Variants in LDB2 observed in about 807,000 individuals in gnomAD.
LDB2 encodes the protein LIM domain-binding protein 2.
In LDB2, 12 loss-of-function variants were observed where a neutral mutation model predicts 44.3. That is an observed-to-expected ratio of 0.27 (90% CI 0.17 to 0.44). The LOEUF is 0.44. Ranked by LOEUF, LDB2 falls within the 20% of genes least tolerant of loss-of-function variation. The pLI is 1.00. For missense variants in LDB2, 344 were observed against 473.5 expected, an observed-to-expected ratio of 0.73 and a Z score of 2.54; for synonymous variants, 164 against 174.8, an observed-to-expected ratio of 0.94 and a Z score of 0.49.
At chr4:16,536,869 C>T (rs1732045004) in intron 5 of LDB2, among the ~76,000 whole-genome samples, 1 of 152,222 alleles carries the variant, frequency 6.6e-6, no homozygotes, top group African/African-American at 2.4e-5. Context: ...GCCAGTTACT[C>T]AGTCTCTGTG....
intron 5 of LDB2, among the ~76,000 whole-genome samples, chr4:16,574,859 C>T (rs971717295): frequency 3.9e-5 from 6 of 152,160 alleles, no homozygotes; most frequent in East Asian, 1.9e-4. Flanking sequence ...AAATTGGATT[C>T]GGGGAGCTTA....
At chr4:16,811,080 C>T (rs763565953) in intron 1 of LDB2, among the ~76,000 whole-genome samples, 5 of 152,170 alleles carry the variant, frequency 3.3e-5, no homozygotes, top group Admixed American at 3.3e-4. Flanking sequence ...CGTTTGCACT[C>T]CTTTGACAAT....
chr4:16,519,997 A>G (rs1377162193), intron 5 of LDB2, among the ~76,000 whole-genome samples: 3 of 152,014 alleles, frequency 2.0e-5, no homozygotes, highest in Non-Finnish European at 2.9e-5. Context: ...ATAACAATGA[A>G]TGCCCCAAAG....
intron 1 of LDB2, among the ~76,000 whole-genome samples, chr4:16,833,628 T>A (rs1784407722): frequency 6.6e-6 from 1 of 151,474 alleles, no homozygotes; most frequent in South Asian, 2.1e-4. Context: ...CTGCAACCTC[T>A]GCCTCCTGGG....
At chr4:16,623,884 T>A (rs1417241209) in intron 2 of LDB2, among the ~76,000 whole-genome samples, 1 of 152,102 alleles carries the variant, frequency 6.6e-6, no homozygotes, top group Non-Finnish European at 1.5e-5. Flanking sequence ...TTCAGCCCCA[T>A]AGAGAAAATA....
chr4:16,622,158 T>C (rs1326059403), intron 2 of LDB2, among the ~76,000 whole-genome samples: 2 of 152,218 alleles, frequency 1.3e-5, no homozygotes, highest in Non-Finnish European at 2.9e-5. Context: ...ATAGTGAAGC[T>C]GTTTGATAGG....
At chr4:16,649,432 T>C (rs1005612338) in intron 2 of LDB2, among the ~76,000 whole-genome samples, 1 of 152,158 alleles carries the variant, frequency 6.6e-6, no homozygotes, top group African/African-American at 2.4e-5. Flanking sequence ...GAGAGAGAAC[T>C]AAAGTGCTTA....
chr4:16,723,120 C>A (rs1448531032), intron 2 of LDB2, among the ~76,000 whole-genome samples: 1 of 152,188 alleles, frequency 6.6e-6, no homozygotes, highest in Non-Finnish European at 1.5e-5. Flanking sequence ...AGGTAAGACA[C>A]TTCCTAATGA....
At chr4:16,649,173 G>A (rs533708108) in intron 2 of LDB2, among the ~76,000 whole-genome samples, 2 of 152,248 alleles carry the variant, frequency 1.3e-5, no homozygotes, top group Non-Finnish European at 2.9e-5. Context: ...ATTCTTTTCT[G>A]TCAAGAGGTA....
In LDB2 at chr4:16,502,655, C is replaced by G; in HGVS notation, c.1110G>C (p.Gln370His). ...QETKSENPPP[Q>H]ASQ ...GGTGCCGATCATCTTATTGGGAAGC[C>G]TGGGGTGGGGGGTTTTCTGATTTGG... The change falls in exon 8 of 8, where the codon CAG (glutamine) becomes CAC (histidine). Residue 370 changes from glutamine (Q) to histidine (H), a missense_variant. By Grantham distance (24) the Gln-to-His change is conservative (BLOSUM62 0). Coordinates refer to ENST00000304523, the MANE Select transcript of LDB2 (RefSeq NM_001290.5). 1 of 1,613,744 alleles carries G rather than the reference C, an allele frequency of 6.2e-7. No individual in the cohort carries two copies. The highest frequency in any genetic ancestry group is 1.3e-5 in the African/African-American group (1 of 74,996).
chr4:16,646,836 A>G (rs1736922999), intron 2 of LDB2, among the ~76,000 whole-genome samples: 1 of 152,228 alleles, frequency 6.6e-6, no homozygotes, highest in Non-Finnish European at 1.5e-5. Flanking sequence ...ACAATGGTCA[A>G]TATATCAGAT....
chr4:16,885,852 C>T (rs184594548), intron 1 of LDB2, among the ~76,000 whole-genome samples: 5 of 152,228 alleles, frequency 3.3e-5, no homozygotes, highest in East Asian at 1.9e-4. Flanking sequence ...TAAATGCTAA[C>T]GGTCATTATA....
intron 5 of LDB2, among the ~76,000 whole-genome samples, chr4:16,580,375 G>T (rs1007008444): frequency 8.5e-5 from 13 of 152,198 alleles, no homozygotes; most frequent in African/African-American, 3.1e-4. Flanking sequence ...CCCCTGCTGA[G>T]ACTGAGAGGA....
rs33921094 is a variant in LDB2, at chr4:16,766,510, A to ATTT, written c.133-7253_133-7251dup. ...TGTGTGTGTGTGTGTGTGTGTATAT[A>ATTT]TTTTTTTTTTTTTGAGACAGAATCT... On this transcript the variant is annotated intron_variant, in intron 1 of 7. Coordinates refer to ENST00000304523, the MANE Select transcript of LDB2 (RefSeq NM_001290.5). Among the ~76,000 whole-genome samples, 805 of 127,024 alleles carry ATTT rather than the reference A, an allele frequency of 6.3e-3. 11 individuals carry two copies. The highest frequency in any genetic ancestry group is 0.024 in the African/African-American group (734 of 31,074). 83.3% of individuals were successfully genotyped at this position (127,024 alleles called of 152,430 possible).
intron 1 of LDB2, among the ~76,000 whole-genome samples, chr4:16,819,048 A>G (rs1356306638): frequency 6.6e-6 from 1 of 152,152 alleles, no homozygotes; most frequent in Non-Finnish European, 1.5e-5. Context: ...TCATGCAGAA[A>G]GAATGAGTAC....
chr4:16,735,218 C>T (rs954573032), intron 2 of LDB2, among the ~76,000 whole-genome samples: 5 of 152,064 alleles, frequency 3.3e-5, no homozygotes, highest in East Asian at 1.9e-4. Flanking sequence ...CAATGCTGCC[C>T]GCAGTCCCCT....
chr4:16,642,773 C>G (rs1294345457), intron 2 of LDB2, among the ~76,000 whole-genome samples: 1 of 152,152 alleles, frequency 6.6e-6, no homozygotes, highest in African/African-American at 2.4e-5. Flanking sequence ...CAGACATTAT[C>G]TCTGCCTGCT....
At chr4:16,830,495 T>C (rs1462683323) in intron 1 of LDB2, among the ~76,000 whole-genome samples, 1 of 152,228 alleles carries the variant, frequency 6.6e-6, no homozygotes, top group Non-Finnish European at 1.5e-5. Flanking sequence ...GTAGTATCTT[T>C]ATAGCAGTGT....
intron 2 of LDB2, among the ~76,000 whole-genome samples, chr4:16,659,620 A>G (rs955056570): frequency 6.8e-6 from 1 of 146,002 alleles, no homozygotes; most frequent in Admixed American, 6.8e-5. Context: ...ACACACACAC[A>G]CATACATAGT....
Sources: allele counts gnomAD v4.1 joint callset (sites outside exome capture counted in the v4.1 genomes callset), GRCh38; gene constraint gnomAD v4.1.1; transcripts MANE v1.5; gene names NCBI Gene and HGNC (gene_info 2026-07-23, HGNC 2026-07-21).